The following FARS2 variants were observed in gnomAD, a reference collection of about 807,000 sequenced individuals.
FARS2 encodes the protein phenylalanyl-tRNA synthetase 2, mitochondrial, also known as phenylalanine--tRNA ligase, mitochondrial.
FARS2 carries 40 observed loss-of-function variants against 46.4 expected under a neutral mutation model. That is an observed-to-expected ratio of 0.86 (90% CI 0.67 to 1.12). The LOEUF is 1.12. Among genes scored for constraint, FARS2 ranks in the 50% most tolerant of loss-of-function variants. FARS2 has a pLI of 0.00. For synonymous variants in FARS2, 234 were observed against 214.9 expected (o/e 1.09, Z -0.78); for missense variants, 513 against 567.9 (o/e 0.90, Z 0.98).
chr6:5,740,449 G>A (rs144040408), intron 6 of FARS2, among the ~76,000 whole-genome samples: 20 of 151,854 alleles, frequency 1.3e-4, no homozygotes, highest in African/African-American at 4.3e-4. Flanking sequence ...GCCTGTGGAC[G>A]CACAACCTGT....
At chr6:5,410,193 A>G (rs1256841439) in intron 3 of FARS2, among the ~76,000 whole-genome samples, 1 of 144,064 alleles carries the variant, frequency 6.9e-6, no homozygotes, top group Non-Finnish European at 1.5e-5. Flanking sequence ...TCACTCTGTC[A>G]TCCAAGCTAA....
At chr6:5,556,082 G>C (rs1771638399) in intron 5 of FARS2, among the ~76,000 whole-genome samples, 1 of 152,100 alleles carries the variant, frequency 6.6e-6, no homozygotes, top group Non-Finnish European at 1.5e-5. Context: ...TTATGAAATG[G>C]ATGATAGCGG....
At chr6:5,521,111 TA>T (rs538336945) in intron 4 of FARS2, among the ~76,000 whole-genome samples, 127 of 148,790 alleles carry the variant, frequency 8.5e-4, no homozygotes, top group African/African-American at 3.0e-3. Context: ...CCTTTTAAAT[TA>T]TTTTTTTTAT....
chr6:5,376,843 T>G (rs554386454), intron 2 of FARS2, among the ~76,000 whole-genome samples: 8 of 152,300 alleles, frequency 5.3e-5, no homozygotes, highest in African/African-American at 1.7e-4. Flanking sequence ...AACACAATTT[T>G]TCTTTAATCC....
chr6:5,714,094 G>T (rs1289499084), intron 6 of FARS2, among the ~76,000 whole-genome samples: 1 of 152,206 alleles, frequency 6.6e-6, no homozygotes, highest in Non-Finnish European at 1.5e-5. Context: ...GAGTGCGCGT[G>T]TGTCGAGCTT....
intron 6 of FARS2, among the ~76,000 whole-genome samples, chr6:5,671,688 A>T (rs952202059): frequency 3.3e-5 from 5 of 152,202 alleles, no homozygotes; most frequent in African/African-American, 7.2e-5. Flanking sequence ...TTTACAGAGG[A>T]TGGTTTAACC....
At chr6:5,256,491 G>GAA (rs1161084364), upstream of FARS2, among the ~76,000 whole-genome samples, 1 of 43,878 alleles carries the variant, frequency 2.3e-5, no homozygotes, top group Non-Finnish European at 3.6e-5. Flanking sequence ...ATTTCAACTG[G>GAA]AAAAAAAAAA....
chr6:5,624,137 T>C (rs984500213), intron 6 of FARS2, among the ~76,000 whole-genome samples: 3 of 150,286 alleles, frequency 2.0e-5, no homozygotes, highest in South Asian at 2.1e-4. Flanking sequence ...ACTTTTGTTG[T>C]GGTGGTTCAG....
At position 5,368,846 on chromosome 6, in the gene FARS2, G is replaced by C; in HGVS notation, c.276G>C (p.Arg92Ser). 6.2e-7 allele frequency: 1 copy of C among 1,614,160 alleles called. No individual in the cohort carries two copies. Among genetic ancestry groups the C allele is most frequent in the Non-Finnish European group, 8.5e-7 (1 of 1,180,038 alleles). Residue 92 changes from arginine to serine, a missense_variant, in exon 2 of 7, where the codon AGG (arginine) becomes AGC (serine). By Grantham distance (110) the Arg-to-Ser change is moderately radical (BLOSUM62 -1). Transcript: ENST00000274680. ...QHHPLWLIKE[R>S]VKEHFYKQYV... is the part of the protein sequence containing the mutation. ...ACCCTCTGTGGCTGATCAAGGAGAG[G>C]GTGAAGGAGCACTTCTACAAGCAGT...
chr6:5,389,158 A>G (rs1413634718), intron 2 of FARS2, among the ~76,000 whole-genome samples: 1 of 152,102 alleles, frequency 6.6e-6, no homozygotes, highest in East Asian at 1.9e-4. Context: ...ACAGTTAAAA[A>G]ATATCGGCTT....
intron 5 of FARS2, among the ~76,000 whole-genome samples, chr6:5,605,005 TC>T (rs1774748062): frequency 6.6e-6 from 1 of 152,204 alleles, no homozygotes; most frequent in Non-Finnish European, 1.5e-5. Context: ...ACCTTTGTCC[TC>T]CTCCCTGACA....
intron 5 of FARS2, among the ~76,000 whole-genome samples, chr6:5,597,475 A>G (rs1351763632): frequency 2.0e-5 from 3 of 152,202 alleles, no homozygotes; most frequent in Non-Finnish European, 4.4e-5. Context: ...ATTGCAGGCA[A>G]GACACAGAGC....
At chr6:5,300,357 G>C (rs1768210261) in intron 1 of FARS2, among the ~76,000 whole-genome samples, 2 of 152,212 alleles carry the variant, frequency 1.3e-5, no homozygotes, top group Admixed American at 6.5e-5. Flanking sequence ...TGCTGATTCA[G>C]AGTGACATAG....
At chr6:5,309,080 G>A (rs1488251723) in intron 1 of FARS2, among the ~76,000 whole-genome samples, 5 of 152,122 alleles carry the variant, frequency 3.3e-5, no homozygotes, top group African/African-American at 4.8e-5. Flanking sequence ...AATTTTGGGG[G>A]CCCACAAACA....
At chr6:5,373,546 A>G (rs1392795098) in intron 2 of FARS2, among the ~76,000 whole-genome samples, 1 of 152,150 alleles carries the variant, frequency 6.6e-6, no homozygotes, top group African/African-American at 2.4e-5. Context: ...TAGAGGACTC[A>G]AGAGTAAGTA....
rs1776252285 is a variant in FARS2 at position 5,630,598 on chromosome 6, G to T, written c.1217+17278G>T. Among the ~76,000 whole-genome samples, 1 of 152,184 alleles carries T rather than the reference G, an allele frequency of 6.6e-6. No individual in the cohort carries two copies. Among genetic ancestry groups the T allele is most frequent in the South Asian group, 2.1e-4 (1 of 4,830 alleles). On this transcript the variant is annotated intron_variant, in intron 6 of 6. Transcript: ENST00000274680. This position sits in a 1 kb window ranked among gnomAD's most constrained non-coding sequence, Gnocchi z 4.2. Reference sequence around the variant, plus strand: ...GGTAATAGGCATTTGAAATAATACTGCAGGGAAGTTTCACGTTGCTGTCAT... The same window carrying T: ...GGTAATAGGCATTTGAAATAATACTTCAGGGAAGTTTCACGTTGCTGTCAT...
Position 5,431,120 on chromosome 6 carries a change from A to G in FARS2, c.852A>G (p.Glu284=), listed in dbSNP as rs772624228. The part of the protein sequence containing the change: ...SFEMEINFHG[E]WLEVLGCGVM... Reference sequence around the variant, plus strand: ...AGATGGAGATCAACTTTCATGGAGAATGGCTGGAAGTTCTTGGCTGCGGGG... The same window carrying G: ...AGATGGAGATCAACTTTCATGGAGAGTGGCTGGAAGTTCTTGGCTGCGGGG... Residue 284 remains glutamate (E), a synonymous_variant, in exon 4 of 7, where the codon GAA becomes GAG. Transcript: ENST00000274680. 5 of 1,613,826 alleles carry G rather than the reference A, an allele frequency of 3.1e-6. No individual in the cohort carries two copies. Among genetic ancestry groups the G allele is most frequent in the Non-Finnish European group, 4.2e-6 (5 of 1,179,870 alleles).
chr6:5,759,051 G>C (rs1762357312), intron 6 of FARS2, among the ~76,000 whole-genome samples: 1 of 152,194 alleles, frequency 6.6e-6, no homozygotes, highest in South Asian at 2.1e-4. Context: ...GGGACATGCA[G>C]AACTGTTTTC....
chr6:5,586,171 A>G lies in FARS2; in HGVS notation c.1066-26998A>G, dbSNP rs183002565. 2.6e-3 allele frequency among the ~76,000 whole-genome samples: 402 copies of G among 152,242 alleles called. 1 individual carries two copies. The highest frequency in any genetic ancestry group is 3.9e-3 in the Non-Finnish European group (263 of 67,990). ...AGCTCATATTATCTTCAAACAGACA[A>G]TTTATCTTCCTGCCATATTTGGATA... On this transcript the variant is annotated intron_variant, in intron 5 of 6. Coordinates refer to ENST00000274680, the MANE Select transcript of FARS2 (RefSeq NM_006567.5).
Sources: allele counts gnomAD v4.1 joint callset (sites outside exome capture counted in the v4.1 genomes callset), GRCh38; gene constraint gnomAD v4.1.1; non-coding constraint Gnocchi (gnomAD v3.1); transcripts MANE v1.5; gene names NCBI Gene and HGNC (gene_info 2026-07-23, HGNC 2026-07-21).